The following DLG2 variants were observed in gnomAD, a reference collection of about 807,000 sequenced individuals.
DLG2 encodes discs large MAGUK scaffold protein 2, also known as disks large homolog 2.
Under a neutral mutation model 132.5 loss-of-function variants are expected in DLG2, and 45 were observed. The observed-to-expected ratio is 0.34, with a 90% CI of 0.27 to 0.44. The LOEUF is 0.44. Among genes scored for constraint, DLG2 ranks in the 20% least tolerant of loss-of-function variants. The probability of loss-of-function intolerance (pLI) is 1.00; values close to 1 mark genes in which losing one functional copy is unlikely to be tolerated. For missense variants in DLG2, 1,045 were observed against 1,196.9 expected, an observed-to-expected ratio of 0.87 and a Z score of 1.87; for synonymous variants, 424 against 419.6, an observed-to-expected ratio of 1.01 and a Z score of -0.13.
intron 3 of DLG2, among the ~76,000 whole-genome samples, chr11:85,591,576 T>TAA (rs35106864): frequency 6.6e-6 from 1 of 150,888 alleles, no homozygotes; most frequent in East Asian, 1.9e-4. Context: ...CCGTCTCTAC[T>TAA]AAAAAAAAAT....
At chr11:83,844,097 G>A (rs1412247190) in intron 16 of DLG2, among the ~76,000 whole-genome samples, 1 of 152,138 alleles carries the variant, frequency 6.6e-6, no homozygotes, top group Non-Finnish European at 1.5e-5. Flanking sequence ...GACTGTGTGA[G>A]CCCAGTGGTG....
Position 84,934,525 on chromosome 11 carries a change from GTTTTTTTT to G in DLG2, c.357+177128_357+177135del, listed in dbSNP as rs757894179. On this transcript the variant is annotated intron_variant, in intron 6 of 27. Transcript: ENST00000376104. ...GGGTGTTTTTTTTTTGTTTTGTTTT[GTTTTTTTT>G]TTTTTTTTTTTTTGGTGGGTAGGCT... Among the ~76,000 whole-genome samples, 4 of 38,636 alleles carry G rather than the reference GTTTTTTTT, an allele frequency of 1.0e-4. 1 individual carries two copies. Among genetic ancestry groups the G allele is most frequent in the African/African-American group, 2.3e-4 (2 of 8,698 alleles). The allele number at this position is 38,636 out of a possible 152,430, so 25.3% of individuals were successfully genotyped here.
intron 9 of DLG2, among the ~76,000 whole-genome samples, chr11:84,153,713 A>G (rs2095360603): frequency 6.6e-6 from 1 of 152,068 alleles, no homozygotes; most frequent in Non-Finnish European, 1.5e-5. Context: ...TTCTCTCTTA[A>G]AATGGCTCTG....
chr11:83,956,624 T>G (rs1420300390), intron 14 of DLG2, among the ~76,000 whole-genome samples: 2 of 152,170 alleles, frequency 1.3e-5, no homozygotes, highest in African/African-American at 4.8e-5. Flanking sequence ...GCGAGTCCAG[T>G]GAAGGGGCCA....
intron 6 of DLG2, among the ~76,000 whole-genome samples, chr11:85,059,561 T>C (rs2063815858): frequency 6.6e-6 from 1 of 151,312 alleles, no homozygotes; most frequent in Non-Finnish European, 1.5e-5. Context: ...TGGATCACCA[T>C]ATGGGAATGA....
intron 6 of DLG2, among the ~76,000 whole-genome samples, chr11:85,109,241 T>C (rs976522698): frequency 5.9e-5 from 9 of 152,094 alleles, no homozygotes; most frequent in African/African-American, 2.2e-4. Context: ...AGAAAATATG[T>C]GTTTCACTGG....
chr11:84,817,437 G>C (rs1176247576), intron 6 of DLG2, among the ~76,000 whole-genome samples: 2 of 151,918 alleles, frequency 1.3e-5, no homozygotes, highest in African/African-American at 4.8e-5. Context: ...AATCCAGGAA[G>C]AGCTCTAGAT....
chr11:83,704,261 G>A (rs899473801), intron 18 of DLG2, among the ~76,000 whole-genome samples: 12 of 152,104 alleles, frequency 7.9e-5, no homozygotes, highest in African/African-American at 2.9e-4. Context: ...ATTGTTAAAT[G>A]CTTATGCTAT....
At chr11:84,238,775 A>G (rs553754997) in intron 8 of DLG2, among the ~76,000 whole-genome samples, 4 of 152,152 alleles carry the variant, frequency 2.6e-5, no homozygotes, top group South Asian at 4.1e-4. Flanking sequence ...ATTTTTACTC[A>G]ACTGTCACTC....
At chr11:84,013,140 CAG>C in intron 11 of DLG2, among the ~76,000 whole-genome samples, 1 of 152,236 alleles carries the variant, frequency 6.6e-6, no homozygotes, top group South Asian at 2.1e-4. Flanking sequence ...AGTAATTTCT[CAG>C]AGTTACAAAG....
intron 19 of DLG2, among the ~76,000 whole-genome samples, chr11:83,624,438 C>T (rs1349382211): frequency 6.6e-6 from 1 of 152,218 alleles, no homozygotes; most frequent in East Asian, 1.9e-4. Context: ...AAAGACAAAG[C>T]CTTTTATTCC....
chr11:85,185,479 G>A (rs928719482), intron 4 of DLG2, among the ~76,000 whole-genome samples: 8 of 151,894 alleles, frequency 5.3e-5, no homozygotes, highest in Non-Finnish European at 1.2e-4. Flanking sequence ...TGTTCTAATG[G>A]CATCTGCAGT....
intron 19 of DLG2, among the ~76,000 whole-genome samples, chr11:83,588,901 T>C (rs2097139784): frequency 6.6e-6 from 1 of 150,470 alleles, no homozygotes; most frequent in Non-Finnish European, 1.5e-5. Context: ...TGATGGAAGA[T>C]GAAATGAATG....
chr11:84,923,662 C>T (rs1450716244), intron 6 of DLG2: 1 of 885,936 alleles, frequency 1.1e-6, no homozygotes, highest in Non-Finnish European at 1.4e-6. Flanking sequence ...TCTGGTGCAG[C>T]ACCCTGTTTG....
Position 83,518,886 on chromosome 11 carries a change from A to G in DLG2, c.2193+13822T>C, listed in dbSNP as rs143983434. Among the ~76,000 whole-genome samples the G allele has an allele frequency of 7.0e-3, 1,063 of 152,288 alleles. 18 individuals carry two copies. The highest frequency in any genetic ancestry group is 0.025 in the African/African-American group (1,029 of 41,550). On this transcript the variant is annotated intron_variant, in intron 21 of 27. Coordinates refer to ENST00000376104, the MANE Select transcript of DLG2 (RefSeq NM_001142699.3). ...GTTCCTGGGGTTTCTCAGCTCGTAG[A>G]TTTAAAATAGCAAATTCAGTGTGGG...
At chr11:85,084,700 C>T (rs939789184) in intron 6 of DLG2, among the ~76,000 whole-genome samples, 3 of 152,080 alleles carry the variant, frequency 2.0e-5, no homozygotes, top group African/African-American at 7.2e-5. Flanking sequence ...TATCTCCTCC[C>T]ATTATCCTTC....
chr11:84,890,041 A>G (rs201377703), intron 6 of DLG2, among the ~76,000 whole-genome samples: 1 of 152,200 alleles, frequency 6.6e-6, no homozygotes, highest in Non-Finnish European at 1.5e-5. Context: ...AAGACCTTAT[A>G]TAGCTACTTG....
At chr11:84,765,126 AG>A (rs1432537590) in intron 6 of DLG2, among the ~76,000 whole-genome samples, 2 of 152,106 alleles carry the variant, frequency 1.3e-5, no homozygotes, top group African/African-American at 4.8e-5. Flanking sequence ...AAGTACCTCA[AG>A]GGGATTTTAA....
rs990110992 is a variant in DLG2, at chr11:85,299,345, A to G, written c.41-13980T>C. On this transcript the variant is annotated intron_variant, in intron 3 of 27. Coordinates refer to ENST00000376104, the MANE Select transcript of DLG2 (RefSeq NM_001142699.3). ...TTACAAACTGACTCTTTATGTCTGGAGTAATTGTTAGATTTTCTTTGTTTT... is the reference window on the plus strand; with the variant it reads ...TTACAAACTGACTCTTTATGTCTGGGGTAATTGTTAGATTTTCTTTGTTTT... 4.6e-5 allele frequency among the ~76,000 whole-genome samples: 7 copies of G among 152,238 alleles called. No homozygotes were observed. In the East Asian group the frequency reaches 5.8e-4, roughly 13 times the overall value.
Sources: gnomAD v4.1 joint callset for allele counts (sites outside exome capture counted in the v4.1 genomes callset) on GRCh38, gnomAD v4.1.1 for gene constraint, MANE v1.5 for transcripts, NCBI Gene and HGNC (gene_info 2026-07-23, HGNC 2026-07-21) for gene names.